The following PPM1L variants were observed in gnomAD, a reference collection of about 807,000 sequenced individuals.
PPM1L encodes protein phosphatase, Mg2+/Mn2+ dependent 1L.
In PPM1L, 13 loss-of-function variants were observed where a neutral mutation model predicts 31.4. The ratio of observed to expected loss-of-function variants is 0.41; its 90% CI spans 0.27 to 0.66. PPM1L has a LOEUF of 0.66. Ranked by LOEUF, PPM1L falls within the 30% of genes least tolerant of loss-of-function variation. The pLI is 0.29. For synonymous variants in PPM1L, 184 were observed against 175.4 expected (o/e 1.05, Z -0.39); for missense variants, 326 against 453.7 (o/e 0.72, Z 2.56).
chr3:161,077,847 CTTTTAT>C lies in PPM1L; in HGVS notation c.*8696_*8701del, dbSNP rs1384440852. On this transcript the variant is annotated 3_prime_UTR_variant, in exon 4 of 4. Transcript: ENST00000498165. ...TGGCAAAGAAAAACTAAATCCCAGA[CTTTTAT>C]TTTTAACCACAGAAACCATCACTTC... 6.9e-6 allele frequency: 1 copy of C among 145,966 alleles called. No individual in the cohort carries two copies. The highest frequency in any genetic ancestry group is 1.5e-5 in the Non-Finnish European group (1 of 64,962). 9.0% of individuals were successfully genotyped at this position (145,966 alleles called of 1,614,324 possible).
At chr3:160,890,780 T>C (rs1041904827) in intron 1 of PPM1L, among the ~76,000 whole-genome samples, 1 of 152,070 alleles carries the variant, frequency 6.6e-6, no homozygotes, top group Non-Finnish European at 1.5e-5. Context: ...AAAACAGACA[T>C]ATAGACCTAT....
At chr3:161,038,584 TTAAAAAAA>T (rs886552384) in intron 2 of PPM1L, among the ~76,000 whole-genome samples, 20 of 100,760 alleles carry the variant, frequency 2.0e-4, no homozygotes, top group African/African-American at 9.7e-4. Context: ...GGGATTTGTT[TTAAAAAAA>T]AAAAAAAAAA....
At chr3:161,041,328 T>C (rs1288017467) in intron 2 of PPM1L, among the ~76,000 whole-genome samples, 9 of 152,230 alleles carry the variant, frequency 5.9e-5, no homozygotes, top group African/African-American at 1.9e-4. Context: ...TGATGTCTCA[T>C]GCCTCCCTAA....
intron 1 of PPM1L, among the ~76,000 whole-genome samples, chr3:160,900,262 A>G (rs529322384): frequency 5.9e-4 from 89 of 152,122 alleles, no homozygotes; most frequent in Non-Finnish European, 1.1e-3. Flanking sequence ...CAATTTTACC[A>G]ACAAACATTT....
intron 1 of PPM1L, among the ~76,000 whole-genome samples, chr3:160,832,676 TTAAAACTAGATATTAGCA>T (rs1713559105): frequency 6.6e-6 from 1 of 152,180 alleles, no homozygotes; most frequent in South Asian, 2.1e-4. Flanking sequence ...CAATAAAAGA[TTAAAACTAGATATTAGCA>T]TTGGTGCAAT....
intron 1 of PPM1L, among the ~76,000 whole-genome samples, chr3:160,832,127 G>T (rs773138074): frequency 2.0e-5 from 3 of 152,154 alleles, no homozygotes; most frequent in South Asian, 2.1e-4. Context: ...TTTATTCAGG[G>T]AGCTCACAGT....
At chr3:160,808,088 A>G (rs904021684) in intron 1 of PPM1L, among the ~76,000 whole-genome samples, 24 of 152,306 alleles carry the variant, frequency 1.6e-4, no homozygotes, top group African/African-American at 5.8e-4. Context: ...ATCTGAAACA[A>G]TTGATCTTTT....
rs1204447897 is a variant in PPM1L at position 161,073,592 on chromosome 3, C to T, written c.*4435C>T. 6.6e-6 allele frequency: 1 copy of T among 151,498 alleles called. No homozygotes were observed. Among genetic ancestry groups the T allele is most frequent in the African/African-American group, 2.4e-5 (1 of 41,148 alleles). The allele number at this position is 151,498 out of a possible 1,614,324, so 9.4% of individuals were successfully genotyped here. ...CCCCTTTTTTTTTTTAACGGAATCT[C>T]GCTCTGTCACCCAGGCTGGAATGCC... is the stretch of plus-strand genomic sequence containing the variant. On this transcript the variant is annotated 3_prime_UTR_variant, in exon 4 of 4. Transcript: ENST00000498165.
chr3:160,893,918 G>A (rs1713243068), intron 1 of PPM1L, among the ~76,000 whole-genome samples: 1 of 152,094 alleles, frequency 6.6e-6, no homozygotes, highest in Admixed American at 6.5e-5. Context: ...GGGATATGTG[G>A]TATGATACTT....
At chr3:161,030,456 G>A (rs955972797) in intron 2 of PPM1L, among the ~76,000 whole-genome samples, 33 of 152,238 alleles carry the variant, frequency 2.2e-4, no homozygotes, top group African/African-American at 6.7e-4. Context: ...CCTAGATCTT[G>A]GACTTCCCGG....
rs1158775268 is a variant in PPM1L at position 161,073,220 on chromosome 3, T to C, written c.*4063T>C. 2.0e-5 allele frequency: 3 copies of C among 152,342 alleles called. No homozygotes were observed. The East Asian group carries it at 5.8e-4, about 29-fold the overall frequency. The allele number at this position is 152,342 out of a possible 1,614,324, so 9.4% of individuals were successfully genotyped here. On this transcript the variant is annotated 3_prime_UTR_variant, in exon 4 of 4. Coordinates refer to ENST00000498165, the MANE Select transcript of PPM1L (RefSeq NM_139245.4). ...ATCAAAGGCTCTAATTTAAATGTCC[T>C]GTGAGGAGAGAAAAACACAACAAAT...
chr3:160,789,673 A>G (rs1438388517), intron 1 of PPM1L, among the ~76,000 whole-genome samples: 1 of 152,026 alleles, frequency 6.6e-6, no homozygotes, highest in African/African-American at 2.4e-5. Flanking sequence ...TTTATATTGA[A>G]GTTTATCAAA....
chr3:160,871,830 C>A (rs1480515987), intron 1 of PPM1L, among the ~76,000 whole-genome samples: 1 of 151,006 alleles, frequency 6.6e-6, no homozygotes, highest in Non-Finnish European at 1.5e-5. Flanking sequence ...TAATTTTTTC[C>A]TTACTAAAGT....
chr3:160,788,762 A>G (rs1712012328), intron 1 of PPM1L, among the ~76,000 whole-genome samples: 1 of 151,850 alleles, frequency 6.6e-6, no homozygotes, highest in African/African-American at 2.4e-5. Context: ...ATTTAGTTTT[A>G]TTTTTCCAGC....
chr3:161,049,496 A>G (rs1303659799), intron 2 of PPM1L, among the ~76,000 whole-genome samples: 1 of 152,156 alleles, frequency 6.6e-6, no homozygotes, highest in Admixed American at 6.5e-5. Flanking sequence ...CACACTCCTA[A>G]TAAGGTTCTA....
chr3:160,919,073 T>C (rs994530701), intron 1 of PPM1L, among the ~76,000 whole-genome samples: 32 of 152,310 alleles, frequency 2.1e-4, no homozygotes, highest in African/African-American at 7.2e-4. Flanking sequence ...CAGACTGGGA[T>C]AATGTCTTTG....
At chr3:160,876,606 T>C (rs1313358177) in intron 1 of PPM1L, among the ~76,000 whole-genome samples, 1 of 152,206 alleles carries the variant, frequency 6.6e-6, no homozygotes, top group Non-Finnish European at 1.5e-5. Flanking sequence ...ACTATGTGAG[T>C]GGCACTACTG....
intron 2 of PPM1L, among the ~76,000 whole-genome samples, chr3:161,045,778 G>C (rs6769927): frequency 0.44 from 66,931 of 151,758 alleles, 15,938 homozygotes; most frequent in East Asian, 0.7. Flanking sequence ...GATCAGAGTA[G>C]AACTGAAGGA....
At chr3:160,839,262 GT>G (rs1713799807) in intron 1 of PPM1L, among the ~76,000 whole-genome samples, 1 of 152,216 alleles carries the variant, frequency 6.6e-6, no homozygotes, top group South Asian at 2.1e-4. Context: ...CAAACTCACT[GT>G]TTTTACTTAG....
Sources: allele counts gnomAD v4.1 joint callset (sites outside exome capture counted in the v4.1 genomes callset), GRCh38; gene constraint gnomAD v4.1.1; transcripts MANE v1.5; gene names NCBI Gene and HGNC (gene_info 2026-07-23, HGNC 2026-07-21).